SUPT20H: variants seen among roughly 807,000 people sequenced by gnomAD.
SUPT20H encodes SPT20 homolog, SAGA complex component.
In SUPT20H, 82 loss-of-function variants were observed where a neutral mutation model predicts 122.8. The observed-to-expected ratio is 0.67, with a 90% CI of 0.56 to 0.80. SUPT20H has a LOEUF of 0.80. SUPT20H is among the 30% of genes least tolerant of loss of function. SUPT20H has a pLI of 0.00. For synonymous variants in SUPT20H, 291 were observed against 313.0 expected, an observed-to-expected ratio of 0.93 and a Z score of 0.74; for missense variants, 831 against 921.6, an observed-to-expected ratio of 0.90 and a Z score of 1.27.
At chr13:37,028,043 C>A in intron 14 of SUPT20H, 105 bp downstream of exon 14, 1 of 1,118,382 alleles carries the variant, frequency 8.9e-7, no homozygotes, top group South Asian at 2.3e-5. Context: ...TAAGTGAGTT[C>A]CCAAAGAGAA....
chr13:37,051,691 A>G (rs1297915738), intron 1 of SUPT20H, 108 bp from the exon 2 acceptor site: 4 of 451,938 alleles, frequency 8.9e-6, no homozygotes, highest in Non-Finnish European at 1.6e-5. Flanking sequence ...TATATTTTTA[A>G]GACATACATA....
At position 37,010,673 on chromosome 13, in the gene SUPT20H, G is replaced by A; in HGVS notation, c.2099-18C>T. ...AGACAACACTACAGAGAGGAGAAGGGGAAAGCAGGCCAGTCAAAAAGTTTG... is the reference window on the plus strand; with the variant it reads ...AGACAACACTACAGAGAGGAGAAGGAGAAAGCAGGCCAGTCAAAAAGTTTG... On this transcript the variant is annotated intron_variant, in intron 24 of 25. Coordinates refer to ENST00000350612, the MANE Select transcript of SUPT20H (RefSeq NM_001014286.3). 3 of 1,604,062 alleles carry A rather than the reference G, an allele frequency of 1.9e-6. No individual in the cohort carries two copies. The highest frequency in any genetic ancestry group is 2.6e-6 in the Non-Finnish European group (3 of 1,172,048).
rs1035054286 is a variant in SUPT20H, at chr13:37,037,343, T to C, written c.567+3062A>G. Among the ~76,000 whole-genome samples, 8 of 152,028 alleles carry C rather than the reference T, an allele frequency of 5.3e-5. No homozygotes were observed. The South Asian group carries it at 1.4e-3, about 28-fold the overall frequency. ...TCTGTGTTGTTCAAGGTCAACTATA[T>C]AGTGTAAATGTAACCTTTTTATAGA... On this transcript the variant is annotated intron_variant, in intron 9 of 25. Coordinates refer to ENST00000350612, the MANE Select transcript of SUPT20H (RefSeq NM_001014286.3).
chr13:37,029,854 G>T lies in SUPT20H; in HGVS notation c.922-18C>A. The T allele has an allele frequency of 6.4e-7, 1 of 1,559,952 alleles. No homozygotes were observed. Among genetic ancestry groups the T allele is most frequent in the Non-Finnish European group, 8.7e-7 (1 of 1,147,790 alleles). On this transcript the variant is annotated intron_variant, in intron 12 of 25. Coordinates refer to ENST00000350612, the MANE Select transcript of SUPT20H (RefSeq NM_001014286.3). ...TTCTCCACCTAAACAATCAAATCAA[G>T]AAATACCACATAAAATAGAATCCAT...
chr13:37,048,622 T>G, intron 2 of SUPT20H, 23 bp from the exon 3 acceptor site: 1 of 1,586,942 alleles, frequency 6.3e-7, no homozygotes, highest in Non-Finnish European at 8.6e-7. Context: ...AATAGTATAT[T>G]TGGTAATATT....
chr13:37,036,388 G>A (rs1186269082), intron 9 of SUPT20H, among the ~76,000 whole-genome samples: 6 of 151,312 alleles, frequency 4.0e-5, no homozygotes, highest in Non-Finnish European at 1.5e-5. Context: ...GCAGTGGTGC[G>A]ATCTCAGCTC....
intron 2 of SUPT20H, 113 bp from the exon 3 acceptor site, chr13:37,048,712 T>A: frequency 1.2e-6 from 1 of 869,400 alleles, no homozygotes. Flanking sequence ...TTTTCCTTTA[T>A]TTGTCTCCTC....
chr13:37,033,662 C>A (rs1359139714), intron 9 of SUPT20H, 74 bp from the exon 10 acceptor site: 3 of 1,472,966 alleles, frequency 2.0e-6, no homozygotes, highest in Non-Finnish European at 2.8e-6. Flanking sequence ...TGCACTTAAT[C>A]TAGAAATATT....
intron 24 of SUPT20H, among the ~76,000 whole-genome samples, chr13:37,011,028 A>G (rs187297715): frequency 6.6e-6 from 1 of 152,360 alleles, no homozygotes; most frequent in African/African-American, 2.4e-5. Flanking sequence ...TATTGTAACA[A>G]CAAAGCTGGT....
intron 21 of SUPT20H, among the ~76,000 whole-genome samples, chr13:37,020,947 C>T (rs775688829): frequency 5.9e-5 from 9 of 152,054 alleles, no homozygotes; most frequent in Non-Finnish European, 1.0e-4. Flanking sequence ...TTAATCCTCA[C>T]GACTATGAGG....
At chr13:37,053,786 A>C (rs1484643660) in intron 1 of SUPT20H, among the ~76,000 whole-genome samples, 3 of 152,204 alleles carry the variant, frequency 2.0e-5, no homozygotes, top group Admixed American at 6.5e-5. Context: ...TATGTTTCTA[A>C]TATTTGGTGG....
At chr13:37,046,376 A>G (rs1177162960) in intron 5 of SUPT20H, among the ~76,000 whole-genome samples, 1 of 152,200 alleles carries the variant, frequency 6.6e-6, no homozygotes. Flanking sequence ...AACAAAACAA[A>G]TTAGCTACCA....
At chr13:37,027,223 A>T (rs2062448535) in intron 14 of SUPT20H, among the ~76,000 whole-genome samples, 1 of 151,870 alleles carries the variant, frequency 6.6e-6, no homozygotes, top group South Asian at 2.1e-4. Context: ...CTGCACACAT[A>T]CCCCTATATC....
chr13:37,051,374 T>A (rs1414382439), intron 2 of SUPT20H, 114 bp downstream of exon 2: 16 of 1,065,994 alleles, frequency 1.5e-5, no homozygotes, highest in Non-Finnish European at 2.0e-5. Flanking sequence ...CCAGTTGGGA[T>A]AACCTGTACA....
Position 37,021,621 on chromosome 13 carries a change from A to G in SUPT20H, c.1662-19T>C, listed in dbSNP as rs1252165874. The G allele has an allele frequency of 1.3e-6, 2 of 1,598,682 alleles. No individual in the cohort carries two copies. Among genetic ancestry groups the G allele is most frequent in the Non-Finnish European group, 1.7e-6 (2 of 1,173,178 alleles). The stretch of plus-strand genomic sequence containing the variant: ...GGCCCCACTGCAGGAGAATAAGACA[A>G]AGCATTAAACTTCACTGTAAAAGGA... On this transcript the variant is annotated intron_variant, in intron 20 of 25. Coordinates refer to ENST00000350612, the MANE Select transcript of SUPT20H (RefSeq NM_001014286.3).
chr13:37,045,318 G>T lies in SUPT20H; in HGVS notation c.221C>A (p.Ser74Ter). The T allele has an allele frequency of 6.2e-7, 1 of 1,613,654 alleles. No homozygotes were observed. The highest frequency in any genetic ancestry group is 1.1e-5 in the South Asian group (1 of 91,054). ...LEKLVMQETL[S>*]CLVVNLYPGN... is the part of the protein sequence containing the mutation. ...TGGGTATAGATTGACCACTAAACAT[G>T]ACAAAGTCTCTTGCATAACAAGCTT... The change falls in exon 6 of 26, where the codon TCA becomes TAA. Residue 74 changes from serine (S) to a stop codon, truncating the protein, a stop_gained. Coordinates refer to ENST00000350612, the MANE Select transcript of SUPT20H (RefSeq NM_001014286.3). LOFTEE classifies it high-confidence loss of function.
intron 23 of SUPT20H, 87 bp from the exon 24 acceptor site, chr13:37,012,384 A>C: frequency 1.9e-6 from 2 of 1,063,322 alleles, no homozygotes; most frequent in Non-Finnish European, 2.8e-6. Flanking sequence ...TTCCTATATG[A>C]AAGAAAGCAG....
rs188694074 is a variant in SUPT20H at position 37,050,293 on chromosome 13, G to A, written c.3+1195C>T. Among the ~76,000 whole-genome samples, 246 of 145,558 alleles carry A rather than the reference G, an allele frequency of 1.7e-3. 1 individual carries two copies. The highest frequency in any genetic ancestry group is 5.3e-3 in the African/African-American group (207 of 39,368). Reference sequence around the variant, plus strand: ...TCCAAAGCTTTGGGAGGCCAAGGTGGGAAATCAGGAGTTCAAGACCAGCCT... The same window carrying A: ...TCCAAAGCTTTGGGAGGCCAAGGTGAGAAATCAGGAGTTCAAGACCAGCCT... On this transcript the variant is annotated intron_variant, in intron 2 of 25. Transcript: ENST00000350612.
chr13:37,046,157 G>C (rs974327598), intron 5 of SUPT20H, among the ~76,000 whole-genome samples: 2 of 151,930 alleles, frequency 1.3e-5, no homozygotes, highest in Non-Finnish European at 2.9e-5. Context: ...CATACAGAAA[G>C]AAGTGATAAA....
Sources: gnomAD v4.1 joint callset for allele counts (sites outside exome capture counted in the v4.1 genomes callset) on GRCh38, gnomAD v4.1.1 for gene constraint, MANE v1.5 for transcripts, NCBI Gene and HGNC (gene_info 2026-07-23, HGNC 2026-07-21) for gene names.